DLGAP1: variants seen among roughly 807,000 people sequenced by gnomAD.
The protein encoded by DLGAP1 is DLG associated protein 1, also known as disks large-associated protein 1.
Under a neutral mutation model 90.8 loss-of-function variants are expected in DLGAP1, and 11 were observed. The ratio of observed to expected loss-of-function variants is 0.12; its 90% CI spans 0.08 to 0.20. DLGAP1 has a LOEUF of 0.20. DLGAP1 is among the 10% of genes least tolerant of loss of function. The probability of loss-of-function intolerance (pLI) is 1.00; values close to 1 mark genes in which losing one functional copy is unlikely to be tolerated. For missense variants in DLGAP1, 1,050 were observed against 1,333.8 expected, an observed-to-expected ratio of 0.79 and a Z score of 3.31; for synonymous variants, 558 against 540.7, an observed-to-expected ratio of 1.03 and a Z score of -0.44.
At chr18:3,536,315 C>A (rs1466943923) in intron 9 of DLGAP1, among the ~76,000 whole-genome samples, 2 of 151,454 alleles carry the variant, frequency 1.3e-5, no homozygotes, top group East Asian at 2.0e-4. Context: ...CCTGTGACTC[C>A]CTGGTTCAAG....
intron 1 of DLGAP1, among the ~76,000 whole-genome samples, chr18:4,184,607 A>T (rs528224166): frequency 1.3e-4 from 20 of 152,154 alleles, no homozygotes; most frequent in Non-Finnish European, 2.8e-4. Flanking sequence ...CTATATAGAG[A>T]GTAAACACAC....
At chr18:3,756,552 C>T (rs972665114) in intron 5 of DLGAP1, among the ~76,000 whole-genome samples, 7 of 151,838 alleles carry the variant, frequency 4.6e-5, no homozygotes, top group Admixed American at 1.3e-4. Context: ...TAAACTTTCA[C>T]CTTAATAGTC....
At position 3,730,691 on chromosome 18, in the gene DLGAP1, T is replaced by C. The variant is rs563888912; in HGVS notation, c.1351-1316A>G. Among the ~76,000 whole-genome samples, 53 of 152,334 alleles carry C rather than the reference T, an allele frequency of 3.5e-4. 2 individuals carry two copies. The South Asian group carries it at 9.9e-3, about 29-fold the overall frequency. ...CCTCATTTTGTATTATCTGAAGTTG[T>C]GCTCCAGTAATGACTAATTTCTTTA... On this transcript the variant is annotated intron_variant, in intron 6 of 12. Transcript: ENST00000315677.
intron 4 of DLGAP1, among the ~76,000 whole-genome samples, chr18:3,822,781 T>C (rs748758005): frequency 3.9e-5 from 6 of 152,166 alleles, no homozygotes; most frequent in Non-Finnish European, 8.8e-5. Flanking sequence ...AAAATGTTAC[T>C]GAGGTGCTGG....
intron 7 of DLGAP1, among the ~76,000 whole-genome samples, chr18:3,646,701 G>T (rs1415684607): frequency 6.6e-6 from 1 of 152,182 alleles, no homozygotes; most frequent in African/African-American, 2.4e-5. Flanking sequence ...GAGGCGGGCA[G>T]ATCACGAGGT....
intron 1 of DLGAP1, among the ~76,000 whole-genome samples, chr18:4,440,592 T>C (rs1029595179): frequency 1.3e-5 from 2 of 152,228 alleles, no homozygotes; most frequent in Middle Eastern, 3.4e-3. Flanking sequence ...CATAAGGTAA[T>C]TCAGAACCAA....
intron 1 of DLGAP1, among the ~76,000 whole-genome samples, chr18:4,322,970 G>GAAAAAAAAAAAAAA (rs1398796779): frequency 3.1e-5 from 4 of 130,050 alleles, no homozygotes; most frequent in African/African-American, 3.0e-5. Flanking sequence ...AAAAAAAAAG[G>GAAAAAAAAAAAAAA]AAAAAGCTAC....
intron 1 of DLGAP1, among the ~76,000 whole-genome samples, chr18:4,199,164 G>C (rs1030169897): frequency 6.6e-6 from 1 of 152,202 alleles, no homozygotes; most frequent in Non-Finnish European, 1.5e-5. Flanking sequence ...CAAGCTGCTC[G>C]GGGAGCCAGC....
chr18:4,065,211 T>C (rs1488121685), intron 2 of DLGAP1, among the ~76,000 whole-genome samples: 1 of 151,970 alleles, frequency 6.6e-6, no homozygotes, highest in Non-Finnish European at 1.5e-5. Flanking sequence ...AATAAACTCA[T>C]AGTTAACATT....
intron 1 of DLGAP1, among the ~76,000 whole-genome samples, chr18:4,347,290 G>C (rs1048767154): frequency 5.3e-5 from 8 of 152,012 alleles, no homozygotes; most frequent in Admixed American, 1.3e-4. Context: ...AATAATCTCA[G>C]TACTCTACAA....
chr18:4,036,977 GAGTAGTGT>G (rs1234074467), intron 2 of DLGAP1, among the ~76,000 whole-genome samples: 2 of 152,162 alleles, frequency 1.3e-5, no homozygotes, highest in Non-Finnish European at 2.9e-5. Flanking sequence ...AAATTCCTTT[GAGTAGTGT>G]GCAAATTGTA....
At chr18:3,551,943 T>G (rs1363500855) in intron 9 of DLGAP1, among the ~76,000 whole-genome samples, 2 of 149,270 alleles carry the variant, frequency 1.3e-5, no homozygotes, top group East Asian at 3.9e-4. Context: ...CACACTTGGC[T>G]AATTTATTTT....
chr18:3,522,544 C>CTT (rs1180244409), intron 10 of DLGAP1, among the ~76,000 whole-genome samples: 11 of 94,520 alleles, frequency 1.2e-4, no homozygotes, highest in Non-Finnish European at 1.8e-4. Flanking sequence ...GTGCAGTCAA[C>CTT]TCTTTTTTTT....
chr18:3,690,708 A>G (rs2060862815), intron 7 of DLGAP1, among the ~76,000 whole-genome samples: 1 of 152,230 alleles, frequency 6.6e-6, no homozygotes, highest in Admixed American at 6.5e-5. Context: ...GTATTTCTTT[A>G]AAGGAGAAAT....
chr18:3,727,251 G>T lies in DLGAP1; in HGVS notation c.1591+1884C>A, dbSNP rs1369774454. Among the ~76,000 whole-genome samples the T allele has an allele frequency of 1.3e-5, 2 of 152,196 alleles. No individual in the cohort carries two copies. On this transcript the variant is annotated intron_variant, in intron 7 of 12. Coordinates refer to ENST00000315677, the MANE Select transcript of DLGAP1 (RefSeq NM_004746.4). The surrounding 1 kb of genome is among the most constrained non-coding windows in gnomAD (Gnocchi z 4.7). Reference sequence around the variant, plus strand: ...TGGGAGCCTCCAGAGTATCTGAGAAGTGTCTTAGGAGGGCAGACCCCATGT... The same window carrying T: ...TGGGAGCCTCCAGAGTATCTGAGAATTGTCTTAGGAGGGCAGACCCCATGT...
At chr18:4,093,180 A>G (rs139823689) in intron 2 of DLGAP1, among the ~76,000 whole-genome samples, 119 of 152,288 alleles carry the variant, frequency 7.8e-4, no homozygotes, top group African/African-American at 2.8e-3. Context: ...AATGTGGTTG[A>G]TGTTTCCTTT....
chr18:4,055,448 A>C (rs1366895757), intron 2 of DLGAP1, among the ~76,000 whole-genome samples: 1 of 152,166 alleles, frequency 6.6e-6, no homozygotes, highest in Non-Finnish European at 1.5e-5. Context: ...CTCCACCCTC[A>C]AGTGGGCCCC....
chr18:3,880,308 C>T (rs1043312263), intron 3 of DLGAP1, among the ~76,000 whole-genome samples, 168 bp from the exon 4 acceptor site: 3 of 152,072 alleles, frequency 2.0e-5, no homozygotes, highest in African/African-American at 7.2e-5. Flanking sequence ...ACCAGCCTCC[C>T]GAGTAGCTAG....
intron 2 of DLGAP1, among the ~76,000 whole-genome samples, chr18:4,068,171 T>C (rs2143418239): frequency 6.6e-6 from 1 of 152,148 alleles, no homozygotes; most frequent in East Asian, 1.9e-4. Context: ...TAATCTTCTC[T>C]CTTTTTATTC....
Sources: gnomAD v4.1 joint callset for allele counts (sites outside exome capture counted in the v4.1 genomes callset) on GRCh38, gnomAD v4.1.1 for gene constraint, Gnocchi (gnomAD v3.1) non-coding constraint, MANE v1.5 for transcripts, NCBI Gene and HGNC (gene_info 2026-07-23, HGNC 2026-07-21) for gene names.